GAREM1: variants seen among roughly 807,000 people sequenced by gnomAD.
GAREM1 encodes GRB2-associated and regulator of MAPK protein 1.
In GAREM1, 26 loss-of-function variants were observed where a neutral mutation model predicts 71.3. The observed-to-expected ratio is 0.36, with a 90% CI of 0.27 to 0.51. The LOEUF (loss-of-function observed/expected upper bound fraction) is 0.51. GAREM1 is among the 20% of genes least tolerant of loss of function. The pLI is 0.95. For missense variants in GAREM1, 1,026 were observed against 1,103.1 expected, an observed-to-expected ratio of 0.93 and a Z score of 0.99; for synonymous variants, 440 against 433.2, an observed-to-expected ratio of 1.02 and a Z score of -0.20.
intron 2 of GAREM1, among the ~76,000 whole-genome samples, chr18:32,384,750 G>A (rs925341699): frequency 3.3e-4 from 50 of 152,030 alleles, no homozygotes; most frequent in African/African-American, 1.2e-3. Context: ...AAATTTCCTT[G>A]AGTTATTATT....
chr18:32,448,287 C>T (rs941654226), intron 1 of GAREM1, among the ~76,000 whole-genome samples: 1 of 152,190 alleles, frequency 6.6e-6, no homozygotes, highest in African/African-American at 2.4e-5. Flanking sequence ...GCAAGAATCA[C>T]TGCTAATGTT....
intron 2 of GAREM1, among the ~76,000 whole-genome samples, chr18:32,322,706 G>A (rs148357658): frequency 6.6e-6 from 1 of 152,296 alleles, no homozygotes; most frequent in African/African-American, 2.4e-5. Context: ...CCTAATAAAT[G>A]ATGGCTGAAT....
chr18:32,448,593 T>G (rs1167265581), intron 1 of GAREM1, among the ~76,000 whole-genome samples: 2 of 150,990 alleles, frequency 1.3e-5, no homozygotes, highest in Non-Finnish European at 1.5e-5. Context: ...GAAAGAAGGC[T>G]GGAGTTTCTT....
chr18:32,452,089 T>A (rs2048845538), intron 1 of GAREM1, among the ~76,000 whole-genome samples: 1 of 152,186 alleles, frequency 6.6e-6, no homozygotes, highest in Non-Finnish European at 1.5e-5. Context: ...ATGGAGGTCA[T>A]CATTAGCTAG....
rs1382898857 is a variant in GAREM1 at position 32,442,013 on chromosome 18, A to C, written c.121+28295T>G. Among the ~76,000 whole-genome samples, 3 of 152,202 alleles carry C rather than the reference A, an allele frequency of 2.0e-5. No individual in the cohort carries two copies. In the East Asian group the frequency reaches 5.8e-4, roughly 29 times the overall value. ...ATTGTAATTTTTTTTTTTTACAGGAAAAAATCCCTCTGAGGTGCTAAAGCA... is the reference window on the plus strand; with the variant it reads ...ATTGTAATTTTTTTTTTTTACAGGACAAAATCCCTCTGAGGTGCTAAAGCA... On this transcript the variant is annotated intron_variant, in intron 1 of 5. Transcript: ENST00000269209.
intron 2 of GAREM1, among the ~76,000 whole-genome samples, chr18:32,368,129 T>G (rs1407078263): frequency 6.6e-6 from 1 of 151,792 alleles, no homozygotes; most frequent in Non-Finnish European, 1.5e-5. Context: ...CAAGAAGCCC[T>G]GGCAGCTTTC....
At chr18:32,355,461 A>C (rs1161004326) in intron 2 of GAREM1, among the ~76,000 whole-genome samples, 1 of 152,158 alleles carries the variant, frequency 6.6e-6, no homozygotes, top group Non-Finnish European at 1.5e-5. Flanking sequence ...TTACTTAAGG[A>C]ATCAAGAGTA....
rs769913454 is a variant in GAREM1 at position 32,287,154 on chromosome 18, A to C, written c.1443T>G (p.Phe481Leu). The C allele has an allele frequency of 1.0e-4, 161 of 1,614,128 alleles. No homozygotes were observed. The highest frequency in any genetic ancestry group is 1.6e-4 in the Middle Eastern group (1 of 6,084). ...CACATTTGGATCGGACAGAACCTCTAAACTGATCACATCTGTTCTTCTCGC... is the reference window on the plus strand; with the variant it reads ...CACATTTGGATCGGACAGAACCTCTCAACTGATCACATCTGTTCTTCTCGC... ...SLSEKNRCDQ[F>L]RGSVRSKCAT... Residue 481 changes from phenylalanine to leucine, a missense_variant, in exon 4 of 6, where the codon TTT becomes TTG. Phe to Leu is a conservative substitution (Grantham distance 22). Coordinates refer to ENST00000269209, the MANE Select transcript of GAREM1 (RefSeq NM_001242409.2). The surrounding 1 kb of genome is among the most constrained non-coding windows in gnomAD (Gnocchi z 5.9).
chr18:32,422,428 CA>C (rs145861798), intron 1 of GAREM1, among the ~76,000 whole-genome samples: 2,429 of 152,250 alleles, frequency 0.016, 77 homozygotes, highest in African/African-American at 0.056. Flanking sequence ...CTTTTAACTG[CA>C]GTGACATTTC....
intron 2 of GAREM1, among the ~76,000 whole-genome samples, chr18:32,320,599 T>C (rs573110575): frequency 5.9e-5 from 9 of 152,306 alleles, no homozygotes; most frequent in South Asian, 4.2e-4. Flanking sequence ...AACTGCACCA[T>C]AGATAATCTG....
At chr18:32,284,939 C>A (rs1180576558) in intron 4 of GAREM1, among the ~76,000 whole-genome samples, 2 of 151,922 alleles carry the variant, frequency 1.3e-5, no homozygotes, top group Non-Finnish European at 2.9e-5. Flanking sequence ...TTAGTAGAGA[C>A]AGGGTTTCAC....
intron 1 of GAREM1, among the ~76,000 whole-genome samples, chr18:32,441,860 C>T (rs1479865240): frequency 6.6e-6 from 1 of 152,184 alleles, no homozygotes; most frequent in Non-Finnish European, 1.5e-5. Flanking sequence ...AACTTCCTAT[C>T]CCTGATGCAA....
At chr18:32,405,764 GA>G (rs1253076651) in intron 1 of GAREM1, among the ~76,000 whole-genome samples, 1 of 152,170 alleles carries the variant, frequency 6.6e-6, no homozygotes, top group African/African-American at 2.4e-5. Flanking sequence ...TGACTCTCAG[GA>G]ATACCTTGGA....
intron 1 of GAREM1, among the ~76,000 whole-genome samples, chr18:32,433,288 C>T (rs1287128232): frequency 6.6e-6 from 1 of 151,588 alleles, no homozygotes; most frequent in Non-Finnish European, 1.5e-5. Flanking sequence ...CCTTTCTAAC[C>T]TGATAAAGGA....
At position 32,268,332 on chromosome 18, in the gene GAREM1, C is replaced by T. The variant is rs1598915655; in HGVS notation, c.2170G>A (p.Ala724Thr). 1.9e-6 allele frequency: 3 copies of T among 1,614,112 alleles called. No individual in the cohort carries two copies. Among genetic ancestry groups the T allele is most frequent in the East Asian group, 2.2e-5 (1 of 44,884 alleles). ...AGTTTTGGAGCCCTGGGGGGTAAGG[C>T]AGGGCATGACGTACTCTGCTTTGTC... ...GVTKQSTSCP[A>T]LPPRAPKLVE... Residue 724 changes from alanine to threonine, a missense_variant, in exon 6 of 6, where the codon GCC becomes ACC. Ala to Thr is a moderately conservative substitution (Grantham distance 58). Transcript: ENST00000269209.
intron 1 of GAREM1, among the ~76,000 whole-genome samples, chr18:32,410,349 T>C (rs2048404359): frequency 6.6e-6 from 1 of 152,188 alleles, no homozygotes; most frequent in Non-Finnish European, 1.5e-5. Context: ...GGTTTACTTA[T>C]ATTTATTTAT....
intron 4 of GAREM1, among the ~76,000 whole-genome samples, chr18:32,278,906 A>T (rs2041577481): frequency 6.6e-6 from 1 of 152,118 alleles, no homozygotes; most frequent in African/African-American, 2.4e-5. Flanking sequence ...GATGATAAGG[A>T]CCTAAGACAG....
intron 1 of GAREM1, among the ~76,000 whole-genome samples, chr18:32,404,697 T>C (rs73958415): frequency 0.13 from 20,404 of 152,188 alleles, 1,583 homozygotes; most frequent in African/African-American, 0.21. Flanking sequence ...TGCAAATATA[T>C]AATCTTATAT....
intron 2 of GAREM1, among the ~76,000 whole-genome samples, chr18:32,330,565 T>C (rs2047522455): frequency 6.6e-6 from 1 of 152,146 alleles, no homozygotes; most frequent in African/African-American, 2.4e-5. Flanking sequence ...CTTTAAATAA[T>C]GCTAAATGAA....
Sources: gnomAD v4.1 joint callset for allele counts (sites outside exome capture counted in the v4.1 genomes callset) on GRCh38, gnomAD v4.1.1 for gene constraint, Gnocchi (gnomAD v3.1) non-coding constraint, MANE v1.5 for transcripts, NCBI Gene and HGNC (gene_info 2026-07-23, HGNC 2026-07-21) for gene names.